The following USP1 variants were observed in gnomAD, a reference collection of about 807,000 sequenced individuals.
USP1 encodes ubiquitin specific peptidase 1, also known as ubiquitin carboxyl-terminal hydrolase 1.
USP1 carries 18 observed loss-of-function variants against 72.2 expected under a neutral mutation model. The observed-to-expected ratio is 0.25, with a 90% CI of 0.17 to 0.37. USP1 has a LOEUF of 0.37. USP1 is among the 10% of genes least tolerant of loss of function. The pLI is 1.00. For missense variants in USP1, 759 were observed against 884.9 expected, an observed-to-expected ratio of 0.86 and a Z score of 1.81; for synonymous variants, 354 against 303.7, an observed-to-expected ratio of 1.17 and a Z score of -1.72.
chr1:62,439,337 A>C (rs1180939065), intron 1 of USP1, among the ~76,000 whole-genome samples: 1 of 152,268 alleles, frequency 6.6e-6, no homozygotes, highest in East Asian at 1.9e-4. Context: ...GGCGCCCGCC[A>C]GCACGCCCGG....
intron 6 of USP1, among the ~76,000 whole-genome samples, chr1:62,446,798 CT>C (rs1244361324): frequency 6.6e-6 from 1 of 151,798 alleles, no homozygotes; most frequent in Non-Finnish European, 1.5e-5. Flanking sequence ...ATACAACTGA[CT>C]TTTTTTTATT....
intron 1 of USP1, among the ~76,000 whole-genome samples, chr1:62,438,829 A>C (rs1645111048): frequency 6.6e-6 from 1 of 152,242 alleles, no homozygotes; most frequent in African/African-American, 2.4e-5. Context: ...TTTTTTAAAA[A>C]GTTTGGAAAA....
chr1:62,438,975 T>C (rs1274077265), intron 1 of USP1, among the ~76,000 whole-genome samples: 2 of 152,232 alleles, frequency 1.3e-5, no homozygotes, highest in Admixed American at 1.3e-4. Flanking sequence ...ACACCATCTC[T>C]ATGCCTTGAA....
Position 62,445,082 on chromosome 1 carries a change from G to C in USP1, c.902G>C (p.Arg301Thr), listed in dbSNP as rs533338716. 1 of 1,611,250 alleles carries C rather than the reference G, an allele frequency of 6.2e-7. No individual in the cohort carries two copies. Among genetic ancestry groups the C allele is most frequent in the East Asian group, 2.2e-5 (1 of 44,782 alleles). The change falls in exon 6 of 9, where the codon AGA (arginine) becomes ACA (threonine). Residue 301 changes from arginine (R) to threonine (T), a missense_variant. By Grantham distance (71) the Arg-to-Thr change is moderately conservative. This residue lies in a region of USP1 where 245 missense variants were observed against 240.7 expected (regional missense o/e 1.02). Transcript: ENST00000339950. ...QSLEENQRQT[R>T]SKRKATSDTL... is the part of the protein sequence containing the mutation. ...TTGGAAGAGAACCAGAGACAAACTA[G>C]ATCAAAAAGAAAAGCTACAAGTGAT...
At chr1:62,436,865 G>C (rs1022361441), upstream of USP1, 6 of 371,218 alleles carry the variant, frequency 1.6e-5, no homozygotes, top group Non-Finnish European at 2.9e-5. Flanking sequence ...AGGCTTTTGG[G>C]GAACTACAGT....
chr1:62,438,695 TC>T (rs1645109721), intron 1 of USP1, among the ~76,000 whole-genome samples: 1 of 149,688 alleles, frequency 6.7e-6, no homozygotes, highest in African/African-American at 2.4e-5. Flanking sequence ...ACTCCTACAC[TC>T]CTACAAATGT....
At chr1:62,445,555 C>T (rs917439425) in intron 6 of USP1, 126 bp downstream of exon 6, 38 of 851,182 alleles carry the variant, frequency 4.5e-5, no homozygotes, top group Non-Finnish European at 6.1e-5. Context: ...GGAAATTTAA[C>T]ACTGAATGTG....
intron 2 of USP1, among the ~76,000 whole-genome samples, chr1:62,440,838 A>T (rs1645127902): frequency 6.6e-6 from 1 of 152,124 alleles, no homozygotes; most frequent in Non-Finnish European, 1.5e-5. Context: ...TTAAAGAAGT[A>T]AAAGAATAGT....
At chr1:62,443,555 C>G (rs1645148214) in intron 5 of USP1, among the ~76,000 whole-genome samples, 1 of 152,120 alleles carries the variant, frequency 6.6e-6, no homozygotes, top group Non-Finnish European at 1.5e-5. Flanking sequence ...ATATTTATCT[C>G]TAACGTGAAT....
chr1:62,445,634 G>GTGTGTGTA (rs1553145500), intron 6 of USP1, among the ~76,000 whole-genome samples: 1 of 151,816 alleles, frequency 6.6e-6, no homozygotes, highest in Non-Finnish European at 1.5e-5. Context: ...ATATATGTGT[G>GTGTGTGTA]TGTGTGTGTG....
intron 6 of USP1, 34 bp downstream of exon 6, chr1:62,445,463 G>C: frequency 1.4e-6 from 2 of 1,465,866 alleles, no homozygotes; most frequent in African/African-American, 1.4e-5. Flanking sequence ...ATAGGTAGAA[G>C]CATTAGCAGC....
rs1356323478 is a variant in USP1 at position 62,447,337 on chromosome 1, T to A, written c.1250-4T>A. On this transcript the variant is annotated splice_polypyrimidine_tract_variant and splice_region_variant and intron_variant, in intron 6 of 8. Transcript: ENST00000339950. ...AGACTTACATTTTCCTATTTTCATT[T>A]TAGGTGAAGAACAAATTGGTTTTGA... 6.2e-7 allele frequency: 1 copy of A among 1,610,246 alleles called. No individual in the cohort carries two copies. Among genetic ancestry groups the A allele is most frequent in the East Asian group, 2.2e-5 (1 of 44,844 alleles).
At chr1:62,436,922 G>T (rs1454085633), upstream of USP1, 2 of 391,300 alleles carry the variant, frequency 5.1e-6, no homozygotes, top group Non-Finnish European at 9.0e-6. Context: ...AGTGGCCGTC[G>T]CGAGACGGCT....
chr1:62,450,783 C>T lies in USP1; in HGVS notation c.2160C>T (p.Asp720=), dbSNP rs144354308. 5 of 1,613,688 alleles carry T rather than the reference C, an allele frequency of 3.1e-6. No homozygotes were observed. The highest frequency in any genetic ancestry group is 2.7e-5 in the African/African-American group (2 of 74,878). ...CTGATAGAAACAAGGAATCCAGTGA[C>T]CAAACAGGCATTAATATTAGTGGAT... ...HESDRNKESS[D]QTGINISGFE... is the part of the protein sequence containing the mutation. The change falls in exon 9 of 9, where the codon GAC becomes GAT. Residue 720 remains aspartate (D), a synonymous_variant. Transcript: ENST00000339950.
Position 62,439,926 on chromosome 1 carries a change from A to G in USP1, c.59A>G (p.Lys20Arg). 1 of 1,569,316 alleles carries G rather than the reference A, an allele frequency of 6.4e-7. No homozygotes were observed. Among genetic ancestry groups the G allele is most frequent in the East Asian group, 2.3e-5 (1 of 43,456 alleles). ...NGLSRGSPSK[K>R]NRLSLKFFQK... Reference sequence around the variant, plus strand: ...CTTTCAAGAGGTAGCCCTTCAAAGAAAAACAGACTTTCCTTAAAGTTTTTT... The same window carrying G: ...CTTTCAAGAGGTAGCCCTTCAAAGAGAAACAGACTTTCCTTAAAGTTTTTT... Residue 20 changes from lysine to arginine, a missense_variant, in exon 2 of 9, where the codon AAA becomes AGA. Around this residue, in one of 9 missense-constraint regions of USP1, gnomAD observed 86 missense variants for 82.0 expected, o/e 1.05. Transcript: ENST00000339950.
chr1:62,440,138 A>G, intron 2 of USP1, 101 bp downstream of exon 2: 1 of 1,072,648 alleles, frequency 9.3e-7, no homozygotes, highest in South Asian at 2.8e-5. Flanking sequence ...AGCGGCACAA[A>G]AAAGTACGCT....
chr1:62,447,414 G>A lies in USP1; in HGVS notation c.1323G>A (p.Leu441=). Residue 441 remains leucine (L), a synonymous_variant, in exon 7 of 9, where the codon TTG becomes TTA. Transcript: ENST00000339950. ...AGCTGGTATTAAGGACGCGTTGCTT[G>A]GAATGTGAAAGTTTAACAGAAAGAA... The part of the protein sequence containing the change: ...QGQLVLRTRC[L]ECESLTERRE... The A allele has an allele frequency of 2.5e-6, 4 of 1,614,120 alleles. No individual in the cohort carries two copies. Among genetic ancestry groups the A allele is most frequent in the Non-Finnish European group, 3.4e-6 (4 of 1,179,998 alleles).
In USP1 at chr1:62,451,712, C is replaced by G. The variant is rs1186117503; in HGVS notation, c.*731C>G. On this transcript the variant is annotated 3_prime_UTR_variant, in exon 9 of 9. Coordinates refer to ENST00000339950, the MANE Select transcript of USP1 (RefSeq NM_003368.5). ...TAACTTTTTTTAAAAACTGGGAGGT[C>G]AATAAAATTTAAACTGCTTAACTAT... 6.6e-6 allele frequency: 1 copy of G among 152,166 alleles called. No homozygotes were observed. The highest frequency in any genetic ancestry group is 2.4e-5 in the African/African-American group (1 of 41,240). The allele number at this position is 152,166 out of a possible 1,614,324, so 9.4% of individuals were successfully genotyped here.
chr1:62,450,789 A>C lies in USP1; in HGVS notation c.2166A>C (p.Thr722=), dbSNP rs747324248. 1.2e-6 allele frequency: 2 copies of C among 1,613,966 alleles called. No individual in the cohort carries two copies. Among genetic ancestry groups the C allele is most frequent in the South Asian group, 1.1e-5 (1 of 91,012 alleles). The change falls in exon 9 of 9, where the codon ACA becomes ACC. Residue 722 remains threonine (T), a synonymous_variant. Transcript: ENST00000339950. ...SDRNKESSDQ[T]GINISGFENK... is the part of the protein sequence containing the mutation. ...GAAACAAGGAATCCAGTGACCAAAC[A>C]GGCATTAATATTAGTGGATTTGAGA...
Sources: allele counts gnomAD v4.1 joint callset (sites outside exome capture counted in the v4.1 genomes callset), GRCh38; gene constraint gnomAD v4.1.1; regional missense constraint gnomAD v4.1.1; transcripts MANE v1.5; gene names NCBI Gene and HGNC (gene_info 2026-07-23, HGNC 2026-07-21).